The following TBC1D23 variants were observed in gnomAD, a reference collection of about 807,000 sequenced individuals.
TBC1D23 encodes HCV non-structural protein 4A-transactivated protein 1.
A neutral mutation model predicts 91.4 loss-of-function variants in TBC1D23; 55 were observed. The ratio of observed to expected loss-of-function variants is 0.60; its 90% CI spans 0.48 to 0.75. The LOEUF (loss-of-function observed/expected upper bound fraction) is 0.75, where lower values mean the gene tolerates loss of function less well. TBC1D23 is among the 30% of genes least tolerant of loss of function. TBC1D23 has a pLI of 0.00. For missense variants in TBC1D23, 725 were observed against 836.1 expected (o/e 0.87, Z 1.64); for synonymous variants, 289 against 281.0 (o/e 1.03, Z -0.28).
intron 15 of TBC1D23, among the ~76,000 whole-genome samples, chr3:100,313,529 C>G (rs572656312): frequency 2.6e-5 from 4 of 152,228 alleles, no homozygotes; most frequent in Non-Finnish European, 4.4e-5. Context: ...CCTTAGCATT[C>G]ATGTTTATAA....
intron 5 of TBC1D23, among the ~76,000 whole-genome samples, chr3:100,293,670 T>C (rs2067812932): frequency 6.6e-6 from 1 of 152,202 alleles, no homozygotes; most frequent in Non-Finnish European, 1.5e-5. Context: ...ATTAGTAGCA[T>C]TATGTATTTT....
At chr3:100,271,008 A>G (rs1166008342) in intron 1 of TBC1D23, among the ~76,000 whole-genome samples, 1 of 152,198 alleles carries the variant, frequency 6.6e-6, no homozygotes, top group Admixed American at 6.5e-5. Context: ...AAAAGGATTC[A>G]ATTTTAAGAA....
At position 100,316,165 on chromosome 3, in the gene TBC1D23, G is replaced by T. The variant is rs745539462; in HGVS notation, c.1665G>T (p.Gly555=). ...YRGVKPVFSI[G]DEEEYDTDEI... ...GCGTAAAGCCTGTTTTCAGCATTGG[G>T]GATGAAGAAGAATACGACACAGGTG... is the stretch of plus-strand genomic sequence containing the variant. Residue 555 remains glycine (G), a synonymous_variant, in exon 16 of 19, where the codon GGG becomes GGT. Transcript: ENST00000394144. The T allele has an allele frequency of 4.3e-6, 7 of 1,613,830 alleles. No homozygotes were observed. The highest frequency in any genetic ancestry group is 5.1e-6 in the Non-Finnish European group (6 of 1,179,752).
intron 13 of TBC1D23, among the ~76,000 whole-genome samples, chr3:100,307,206 A>G (rs1234755053): frequency 2.0e-5 from 3 of 152,252 alleles, no homozygotes; most frequent in Admixed American, 1.3e-4. Context: ...CCAGTACTTC[A>G]ATATTTCATG....
Position 100,319,095 on chromosome 3 carries a change from G to T in TBC1D23, c.1714G>T (p.Asp572Tyr). ...TGAAATTGACAGTTCTTCAATGTCA[G>T]ATGATGATAGAAAAGAGGTTGTAAA... The part of the protein sequence containing the change: ...TDEIDSSSMS[D>Y]DDRKEVVNIQ... The change falls in exon 17 of 19, where the codon GAT (aspartate) becomes TAT (tyrosine). Residue 572 changes from aspartate to tyrosine, a missense_variant. Asp to Tyr is a radical substitution (Grantham distance 160). Transcript: ENST00000394144. 6.3e-7 allele frequency: 1 copy of T among 1,581,536 alleles called. No individual in the cohort carries two copies. Among genetic ancestry groups the T allele is most frequent in the Non-Finnish European group, 8.6e-7 (1 of 1,157,276 alleles).
chr3:100,313,002 G>A (rs1204714917), intron 15 of TBC1D23, among the ~76,000 whole-genome samples: 4 of 147,546 alleles, frequency 2.7e-5, no homozygotes, highest in South Asian at 2.2e-4. Context: ...GTGAGACTGC[G>A]TCTCAAAAAA....
intron 10 of TBC1D23, among the ~76,000 whole-genome samples, chr3:100,300,855 T>G (rs990280192): frequency 3.3e-5 from 5 of 152,200 alleles, no homozygotes; most frequent in Non-Finnish European, 7.3e-5. Flanking sequence ...TTCCAGACTT[T>G]TAATATCTGT....
In TBC1D23 at chr3:100,302,198, A is replaced by G; in HGVS notation, c.1224A>G (p.Glu408=). 1 of 1,614,082 alleles carries G rather than the reference A, an allele frequency of 6.2e-7. No individual in the cohort carries two copies. The highest frequency in any genetic ancestry group is 8.5e-7 in the Non-Finnish European group (1 of 1,179,974). ...LCFMGSGREE[E]DMYMNMVLAH... Reference sequence around the variant, plus strand: ...TTATGGGCAGTGGCAGGGAGGAAGAAGACATGTATATGAACATGGTCCTGG... The same window carrying G: ...TTATGGGCAGTGGCAGGGAGGAAGAGGACATGTATATGAACATGGTCCTGG... Residue 408 remains glutamate (E), a synonymous_variant, in exon 11 of 19, where the codon GAA becomes GAG. Transcript: ENST00000394144.
chr3:100,309,696 C>G (rs750433213), intron 13 of TBC1D23, among the ~76,000 whole-genome samples: 8 of 146,082 alleles, frequency 5.5e-5, no homozygotes, highest in African/African-American at 1.0e-4. Flanking sequence ...ACTGCAACCT[C>G]CACCTCACAG....
At chr3:100,267,728 G>A (rs1485684494) in intron 1 of TBC1D23, among the ~76,000 whole-genome samples, 1 of 152,138 alleles carries the variant, frequency 6.6e-6, no homozygotes, top group Non-Finnish European at 1.5e-5. Flanking sequence ...TTCAGATTTT[G>A]GAGCATTTCG....
At chr3:100,293,973 G>A (rs548813414) in intron 5 of TBC1D23, among the ~76,000 whole-genome samples, 2 of 152,198 alleles carry the variant, frequency 1.3e-5, no homozygotes, top group African/African-American at 4.8e-5. Flanking sequence ...GAGAATTTAA[G>A]TAAGAGATAT....
chr3:100,267,932 A>T lies in TBC1D23; in HGVS notation c.53+6861A>T, dbSNP rs1042164170. Among the ~76,000 whole-genome samples, 42 of 152,182 alleles carry T rather than the reference A, an allele frequency of 2.8e-4. 1 individual carries two copies. Among genetic ancestry groups the T allele is most frequent in the Non-Finnish European group, 1.5e-5 (1 of 68,022 alleles). On this transcript the variant is annotated intron_variant, in intron 1 of 18. Transcript: ENST00000394144. ...ATGCCTATAATCCCATCACTTGGGG[A>T]GGCCAAGGTGGGAGGATTGCTTGAG...
Position 100,283,749 on chromosome 3 carries a change from TCAACTGCCAC to T in TBC1D23, c.415_424del (p.Gln139AlafsTer11). ...ATCTACTGAAACCATTGGTGCATCT[TCAACTGCCAC>T]GCAGCGATTTATACAACTGCTTTTA... is the stretch of plus-strand genomic sequence containing the variant. On this transcript the variant is annotated frameshift_variant, in exon 4 of 19. Transcript: ENST00000394144. LOFTEE classifies it high-confidence loss of function. 6.2e-7 allele frequency: 1 copy of T among 1,613,642 alleles called. No individual in the cohort carries two copies. Among genetic ancestry groups the T allele is most frequent in the Non-Finnish European group, 8.5e-7 (1 of 1,179,552 alleles).
intron 4 of TBC1D23, among the ~76,000 whole-genome samples, chr3:100,285,992 A>T (rs912958569): frequency 3.9e-5 from 6 of 151,984 alleles, no homozygotes; most frequent in Non-Finnish European, 8.8e-5. Flanking sequence ...AGTTTCAGAT[A>T]TAAGTGGACT....
intron 11 of TBC1D23, among the ~76,000 whole-genome samples, chr3:100,303,900 AT>A (rs973902983): frequency 2.0e-5 from 3 of 152,058 alleles, no homozygotes; most frequent in African/African-American, 7.2e-5. Flanking sequence ...GGTTTTATAC[AT>A]TTTTTCCCCA....
At chr3:100,262,631 A>G (rs1208142488) in intron 1 of TBC1D23, among the ~76,000 whole-genome samples, 2 of 130,194 alleles carry the variant, frequency 1.5e-5, no homozygotes, top group African/African-American at 2.7e-5. Context: ...AGGCTGAGGC[A>G]GGAGAATCGC....
Position 100,323,721 on chromosome 3 carries a change from C to T in TBC1D23, c.*53C>T. ...TTAAGACAACCAAGAGAAACATGGA[C>T]ATATACCTCCTGACTGAATACTAAC... On this transcript the variant is annotated 3_prime_UTR_variant, in exon 19 of 19. Coordinates refer to ENST00000394144, the MANE Select transcript of TBC1D23 (RefSeq NM_001199198.3). 1.1e-6 allele frequency: 1 copy of T among 893,158 alleles called. No individual in the cohort carries two copies. Among genetic ancestry groups the T allele is most frequent in the Non-Finnish European group, 1.6e-6 (1 of 631,430 alleles). The allele number at this position is 893,158 out of a possible 1,614,324, so 55.3% of individuals were successfully genotyped here.
At chr3:100,271,874 A>C (rs2067602553) in intron 1 of TBC1D23, among the ~76,000 whole-genome samples, 1 of 152,230 alleles carries the variant, frequency 6.6e-6, no homozygotes, top group Admixed American at 6.5e-5. Flanking sequence ...CAGCTTTCTG[A>C]ATGTGACAGA....
chr3:100,301,118 GT>G (rs910558956), intron 10 of TBC1D23, among the ~76,000 whole-genome samples: 1 of 152,022 alleles, frequency 6.6e-6, no homozygotes, highest in African/African-American at 2.4e-5. Context: ...AAGTAAAATT[GT>G]TTTGATGAGG....
Sources: allele counts gnomAD v4.1 joint callset (sites outside exome capture counted in the v4.1 genomes callset), GRCh38; gene constraint gnomAD v4.1.1; transcripts MANE v1.5; gene names NCBI Gene and HGNC (gene_info 2026-07-23, HGNC 2026-07-21).